SOD2: variants seen among roughly 807,000 people sequenced by gnomAD.
The protein encoded by SOD2 is superoxide dismutase 2, also known as superoxide dismutase [Mn], mitochondrial.
Under a neutral mutation model 27.0 loss-of-function variants are expected in SOD2, and 11 were observed. The observed-to-expected ratio is 0.41, with a 90% CI of 0.26 to 0.67. The LOEUF is 0.67. Among genes scored for constraint, SOD2 ranks in the 30% least tolerant of loss-of-function variants. SOD2 has a pLI of 0.34. For missense variants in SOD2, 250 were observed against 274.5 expected (o/e 0.91, Z 0.63); for synonymous variants, 105 against 103.0 (o/e 1.02, Z -0.12).
upstream of SOD2, chr6:159,730,780 A>G (rs915203266): frequency 2.0e-5 from 3 of 152,204 alleles, no homozygotes; most frequent in Non-Finnish European, 4.4e-5. Flanking sequence ...AAGTGTAGAC[A>G]TTTATCCAAA....
chr6:159,736,663 C>A (rs562860964), intron 1 of SOD2: 73 of 162,694 alleles, frequency 4.5e-4, no homozygotes, highest in African/African-American at 1.2e-3. Context: ...TATTATTATT[C>A]TTTTCCTAGT....
intron 1 of SOD2, among the ~76,000 whole-genome samples, chr6:159,740,760 G>A (rs550925748): frequency 2.4e-4 from 36 of 148,162 alleles, no homozygotes; most frequent in African/African-American, 8.8e-4. Context: ...CTGGAATGCA[G>A]TTGCGCGATC....
chr6:159,747,523 T>A (rs780054190), upstream of SOD2, among the ~76,000 whole-genome samples: 9 of 152,166 alleles, frequency 5.9e-5, no homozygotes, highest in Non-Finnish European at 1.3e-4. Context: ...TCCTATAGAG[T>A]TTTGCTTTTA....
intron 2 of SOD2, 34 bp downstream of exon 2, chr6:159,692,627 G>T (rs201385195): frequency 2.5e-6 from 4 of 1,609,790 alleles, no homozygotes; most frequent in Non-Finnish European, 3.4e-6. Flanking sequence ...GCCTCTGCCG[G>T]GGACTGCCTC....
rs1023052982 is a variant in SOD2, at chr6:159,727,172, C to G, written c.-159G>C. 3 of 1,203,958 alleles carry G rather than the reference C, an allele frequency of 2.5e-6. No homozygotes were observed. In the African/African-American group the frequency reaches 4.8e-5, roughly 19 times the overall value. The allele number at this position is 1,203,958 out of a possible 1,614,324, so 74.6% of individuals were successfully genotyped here. A position where few individuals can be genotyped will look rare whatever the true frequency, so the allele number is the denominator to read the frequency against. On this transcript the variant is annotated 5_prime_UTR_variant, in exon 1 of 3. Transcript: ENST00000401980. ...GGGCCCGCGGAGCTCGCGCCAGGCTCCTGGGAAAGGACGGGGAGTGTTACC... is the reference window on the plus strand; with the variant it reads ...GGGCCCGCGGAGCTCGCGCCAGGCTGCTGGGAAAGGACGGGGAGTGTTACC...
intron 1 of SOD2, 74 bp downstream of exon 1, chr6:159,693,071 C>G (rs775617790): frequency 6.6e-7 from 1 of 1,506,270 alleles, no homozygotes; most frequent in Non-Finnish European, 8.8e-7. Context: ...CCACTGTCGC[C>G]ATTGCCGCGG....
Position 159,692,707 on chromosome 6 carries a change from G to C in SOD2, c.180C>G (p.Asn60Lys), listed in dbSNP as rs780273236. Residue 60 changes from asparagine to lysine, a missense_variant, in exon 2 of 5, where the codon AAC becomes AAG. Transcript: ENST00000538183. ...ACTTCTCCTCGGTGACGTTCAGGTT[G>C]TTCACGTAGGCCGCGTGGTGCTTGC... ...HHSKHHAAYV[N>K]NLNVTEEKYQ... 1 of 1,614,116 alleles carries C rather than the reference G, an allele frequency of 6.2e-7. No homozygotes were observed. The highest frequency in any genetic ancestry group is 2.2e-5 in the East Asian group (1 of 44,866).
At chr6:159,691,307 C>T (rs1272310251) in intron 2 of SOD2, 1 of 152,172 alleles carries the variant, frequency 6.6e-6, no homozygotes, top group Non-Finnish European at 1.5e-5. Context: ...ATCACGGGGC[C>T]TTTTCCCGTA....
rs549184404 is a variant in SOD2, at chr6:159,671,718, A to C, written c.*10775T>G. 3 of 152,390 alleles carry C rather than the reference A, an allele frequency of 2.0e-5. No homozygotes were observed. Among genetic ancestry groups the C allele is most frequent in the Non-Finnish European group, 4.4e-5 (3 of 68,038 alleles). The allele number at this position is 152,390 out of a possible 1,614,324, so 9.4% of individuals were successfully genotyped here. A position where few individuals can be genotyped will look rare whatever the true frequency, so the allele number is the denominator to read the frequency against. ...CTCCAAAGGAACATAGCTCCTTGCC[A>C]GCAACAGAACAAAGCTGGACGGAGA... On this transcript the variant is annotated 3_prime_UTR_variant, in exon 5 of 5. Coordinates refer to ENST00000538183, the MANE Select transcript of SOD2 (RefSeq NM_000636.4).
chr6:159,710,700 C>A (rs199657872), intron 1 of SOD2, among the ~76,000 whole-genome samples: 19 of 150,020 alleles, frequency 1.3e-4, no homozygotes, highest in Non-Finnish European at 2.2e-4. Context: ...TCTGATCACC[C>A]TAACCACCTC....
rs1261281771 is a variant in SOD2 at position 159,688,191 on chromosome 6, C to G, written c.278G>C (p.Gly93Ala). The change falls in exon 3 of 5, where the codon GGT becomes GCT. Residue 93 changes from glycine (G) to alanine (A), a missense_variant. Physicochemically the swap from Gly to Ala is moderately conservative, Grantham distance 60. Coordinates refer to ENST00000538183, the MANE Select transcript of SOD2 (RefSeq NM_000636.4). ...GAAAATGCTATGATTGATATGACCA[C>G]CACCATTGAACTTCAGTGCAGGCTG... ...ALQPALKFNGGGHINHSIFWT... is the reference protein window; with the variant it reads ...ALQPALKFNGAGHINHSIFWT... 6.2e-7 allele frequency: 1 copy of G among 1,613,866 alleles called. No homozygotes were observed. Among genetic ancestry groups the G allele is most frequent in the Admixed American group, 1.7e-5 (1 of 60,008 alleles).
At chr6:159,694,725 A>G (rs1297613514), upstream of SOD2, among the ~76,000 whole-genome samples, 1 of 150,876 alleles carries the variant, frequency 6.6e-6, no homozygotes, top group Non-Finnish European at 1.5e-5. Flanking sequence ...CCTCCCGAGT[A>G]GCTGGAATTA....
chr6:159,736,222 T>C, intron 1 of SOD2: 1 of 1,575,054 alleles, frequency 6.3e-7, no homozygotes, highest in Non-Finnish European at 8.6e-7. Flanking sequence ...TGGAAGAAAA[T>C]AAATTGAACT....
chr6:159,693,158 G>A lies in SOD2; in HGVS notation c.10C>T (p.Arg4Trp), dbSNP rs765291743. Residue 4 changes from arginine to tryptophan, a missense_variant, in exon 1 of 5, where the codon CGG becomes TGG. Transcript: ENST00000538183. ...CTTTCTTCTCACCCGCACACTGCCC[G>A]GCTCAACATGCTGCTAGTGCTGGTG... The part of the protein sequence containing the change: MLS[R>W]AVCGTSRQLA... 4.6e-6 allele frequency: 7 copies of A among 1,533,442 alleles called. No homozygotes were observed. Among genetic ancestry groups the A allele is most frequent in the African/African-American group, 2.8e-5 (2 of 70,856 alleles). The allele number at this position is 1,533,442 out of a possible 1,614,324, so 95.0% of individuals were successfully genotyped here.
In SOD2 at chr6:159,678,245, A is replaced by G. The variant is rs915655867; in HGVS notation, c.*4248T>C. ...TGTATTCTTTGAAATATCCTTTACA[A>G]GCCAGAGGCAATGGCTCACACCTGT... is the stretch of plus-strand genomic sequence containing the variant. On this transcript the variant is annotated 3_prime_UTR_variant, in exon 5 of 5. Coordinates refer to ENST00000538183, the MANE Select transcript of SOD2 (RefSeq NM_000636.4). 1.3e-5 allele frequency: 2 copies of G among 152,148 alleles called. No individual in the cohort carries two copies. Among genetic ancestry groups the G allele is most frequent in the African/African-American group, 4.8e-5 (2 of 41,418 alleles). The allele number at this position is 152,148 out of a possible 1,614,324, so 9.4% of individuals were successfully genotyped here.
chr6:159,700,491 A>G (rs902110678), intron 1 of SOD2, among the ~76,000 whole-genome samples: 10 of 152,002 alleles, frequency 6.6e-5, no homozygotes, highest in African/African-American at 2.4e-4. Context: ...CATCTCCACT[A>G]AAAATACAAA....
At chr6:159,758,011 G>A (rs915199044) in intron 1 of SOD2, among the ~76,000 whole-genome samples, 1 of 152,192 alleles carries the variant, frequency 6.6e-6, no homozygotes, top group Admixed American at 6.5e-5. Context: ...CTGCCTTGAT[G>A]AATAACTCAG....
upstream of SOD2, among the ~76,000 whole-genome samples, chr6:159,728,921 C>T (rs1033421985): frequency 4.6e-5 from 7 of 152,132 alleles, no homozygotes; most frequent in South Asian, 4.1e-4. Flanking sequence ...ATTGCTAACT[C>T]CTAAAGGATA....
At chr6:159,740,187 T>A (rs983731800) in intron 1 of SOD2, among the ~76,000 whole-genome samples, 2 of 152,130 alleles carry the variant, frequency 1.3e-5, no homozygotes, top group African/African-American at 2.4e-5. Flanking sequence ...ATACTTTTTT[T>A]AATGCCTTCT....
Sources: gnomAD v4.1 joint callset for allele counts (sites outside exome capture counted in the v4.1 genomes callset) on GRCh38, gnomAD v4.1.1 for gene constraint, MANE v1.5 for transcripts, NCBI Gene and HGNC (gene_info 2026-07-23, HGNC 2026-07-21) for gene names.